Variants in GABPA observed in about 807,000 individuals in gnomAD.
GABPA encodes the protein GA-binding protein alpha chain.
In GABPA, 4 loss-of-function variants were observed where a neutral mutation model predicts 59.4. The ratio of observed to expected loss-of-function variants is 0.07; its 90% confidence interval spans 0.03 to 0.15. The LOEUF is 0.15. Among genes scored for constraint, GABPA ranks in the 10% least tolerant of loss-of-function variants. GABPA has a pLI of 1.00. For missense variants in GABPA, 251 were observed against 543.8 expected (o/e 0.46, Z 5.36); for synonymous variants, 164 against 183.1 (o/e 0.90, Z 0.84).
At chr21:25,743,903 G>T (rs951488293) in intron 2 of GABPA, among the ~76,000 whole-genome samples, 1 of 151,956 alleles carries the variant, frequency 6.6e-6, no homozygotes, top group Admixed American at 6.6e-5. Context: ...AATTAGCTAG[G>T]CATGGTGGCG....
chr21:25,766,160 G>C (rs2035884874), intron 9 of GABPA, among the ~76,000 whole-genome samples: 1 of 151,954 alleles, frequency 6.6e-6, no homozygotes, highest in African/African-American at 2.4e-5. Flanking sequence ...GCAGTGGGGA[G>C]AAAACATATG....
At chr21:25,741,696 C>T in intron 2 of GABPA, 21 bp downstream of exon 2, 1 of 1,526,830 alleles carries the variant, frequency 6.5e-7, no homozygotes, top group Non-Finnish European at 9.0e-7. Flanking sequence ...CTGAATTTAT[C>T]ATTTTTTTTC....
chr21:25,765,328 A>C (rs1297916571), intron 9 of GABPA, among the ~76,000 whole-genome samples: 2 of 152,080 alleles, frequency 1.3e-5, no homozygotes, highest in African/African-American at 4.8e-5. Context: ...TAAGAATATC[A>C]CGGAATTATG....
Position 25,769,605 on chromosome 21 carries a change from T to C in GABPA, c.*373T>C, listed in dbSNP as rs1026037310. ...TAGGAAACAGTCTGGCTTAACTATT[T>C]TTGAAAATATAACTGTTTCCCCTCT... On this transcript the variant is annotated 3_prime_UTR_variant, in exon 10 of 10. Transcript: ENST00000400075. 4.1e-4 allele frequency: 67 copies of C among 163,502 alleles called. No homozygotes were observed. The highest frequency in any genetic ancestry group is 3.1e-3 in the Middle Eastern group (1 of 324). 10.1% of individuals were successfully genotyped at this position (163,502 alleles called of 1,614,324 possible).
intron 1 of GABPA, among the ~76,000 whole-genome samples, chr21:25,738,627 A>T (rs1467221004): frequency 6.6e-6 from 1 of 152,228 alleles, no homozygotes; most frequent in African/African-American, 2.4e-5. Flanking sequence ...TTGTATGTTT[A>T]ATCCTTTAAG....
intron 3 of GABPA, among the ~76,000 whole-genome samples, chr21:25,748,149 A>T (rs1166667899): frequency 6.6e-6 from 1 of 152,104 alleles, no homozygotes; most frequent in African/African-American, 2.4e-5. Context: ...CAGGTGATCC[A>T]CCTGCCTTGG....
rs759031110 is a variant in GABPA, at chr21:25,764,183, A to C, written c.803-27A>C. On this transcript the variant is annotated intron_variant, in intron 7 of 9. Coordinates refer to ENST00000400075, the MANE Select transcript of GABPA (RefSeq NM_002040.4). ...TTTTCCTGCTTGTATTGGAAGAAAAAAAATTTCTCCTTGTCTGTCTTTGCA... is the reference window on the plus strand; with the variant it reads ...TTTTCCTGCTTGTATTGGAAGAAAACAAATTTCTCCTTGTCTGTCTTTGCA... 14 of 1,533,016 alleles carry C rather than the reference A, an allele frequency of 9.1e-6. No individual in the cohort carries two copies. The South Asian group carries it at 1.7e-4, about 18-fold the overall frequency. The allele number at this position is 1,533,016 out of a possible 1,614,324, so 95.0% of individuals were successfully genotyped here.
In GABPA at chr21:25,752,200, T is replaced by C; in HGVS notation, c.519T>C (p.Tyr173=). 6.2e-7 allele frequency: 1 copy of C among 1,613,126 alleles called. No individual in the cohort carries two copies. ...VTRWAAALEG[Y]RKEQERLGIP... ...GATGGGCTGCTGCACTGGAAGGCTA[T>C]AGGAAAGAACAAGAACGCCTTGGGA... The change falls in exon 5 of 10, where the codon TAT becomes TAC. Residue 173 remains tyrosine (Y), a synonymous_variant. Transcript: ENST00000400075.
intron 9 of GABPA, among the ~76,000 whole-genome samples, chr21:25,767,510 T>C (rs1388863082): frequency 6.6e-6 from 1 of 151,964 alleles, no homozygotes; most frequent in African/African-American, 2.4e-5. Context: ...AAGTATTCAG[T>C]AAAATTCAAA....
At position 25,771,792 on chromosome 21, in the gene GABPA, G is replaced by A. The variant is rs573836867; in HGVS notation, c.*2560G>A. ...TTTTGTTTTAAAATTTGTTTTCCATGTGAAGTTTTTATTGAGCCAACTTTC... is the reference window on the plus strand; with the variant it reads ...TTTTGTTTTAAAATTTGTTTTCCATATGAAGTTTTTATTGAGCCAACTTTC... On this transcript the variant is annotated 3_prime_UTR_variant, in exon 10 of 10. Coordinates refer to ENST00000400075, the MANE Select transcript of GABPA (RefSeq NM_002040.4). 6.6e-6 allele frequency: 1 copy of A among 152,146 alleles called. No homozygotes were observed. The highest frequency in any genetic ancestry group is 2.1e-4 in the South Asian group (1 of 4,828). 9.4% of individuals were successfully genotyped at this position (152,146 alleles called of 1,614,324 possible). A position where few individuals can be genotyped will look rare whatever the true frequency, so the allele number is the denominator to read the frequency against.
intron 4 of GABPA, among the ~76,000 whole-genome samples, chr21:25,750,830 T>G (rs2035491105): frequency 6.6e-6 from 1 of 152,186 alleles, no homozygotes; most frequent in African/African-American, 2.4e-5. Flanking sequence ...TTAAAGCCAT[T>G]AAAGTATGAA....
intron 3 of GABPA, among the ~76,000 whole-genome samples, chr21:25,746,196 G>T (rs1359575382): frequency 6.6e-6 from 1 of 151,992 alleles, no homozygotes; most frequent in Non-Finnish European, 1.5e-5. Flanking sequence ...CGTATTTTTA[G>T]TAGACACGGG....
In GABPA at chr21:25,749,127, T is replaced by G. The variant is rs1169184076; in HGVS notation, c.307+7T>G. On this transcript the variant is annotated splice_region_variant and intron_variant, in intron 4 of 9. Transcript: ENST00000400075. ...CAGGTAATTTCTTACCAAGGTAAGTTACTTTTCATGATAGTTATTTAAAAT... is the reference window on the plus strand; with the variant it reads ...CAGGTAATTTCTTACCAAGGTAAGTGACTTTTCATGATAGTTATTTAAAAT... 2.0e-6 allele frequency: 3 copies of G among 1,481,060 alleles called. No individual in the cohort carries two copies. The highest frequency in any genetic ancestry group is 1.4e-5 in the African/African-American group (1 of 71,540). 91.7% of individuals were successfully genotyped at this position (1,481,060 alleles called of 1,614,324 possible).
chr21:25,742,615 A>G (rs1486894348), intron 2 of GABPA, among the ~76,000 whole-genome samples: 1 of 152,172 alleles, frequency 6.6e-6, no homozygotes, highest in East Asian at 1.9e-4. Flanking sequence ...TTCAGAAACT[A>G]AAAATGCGTA....
At chr21:25,737,682 A>C (rs981592296) in intron 1 of GABPA, among the ~76,000 whole-genome samples, 9 of 152,166 alleles carry the variant, frequency 5.9e-5, no homozygotes, top group African/African-American at 1.7e-4. Context: ...GCTACATCAT[A>C]ATGCTTTTTT....
intron 4 of GABPA, among the ~76,000 whole-genome samples, chr21:25,750,789 C>A (rs545461554): frequency 6.6e-6 from 1 of 152,038 alleles, no homozygotes; most frequent in Non-Finnish European, 1.5e-5. Flanking sequence ...CTAGTGACCT[C>A]TTGATGCAAG....
chr21:25,754,501 A>C (rs2035586494), intron 5 of GABPA, among the ~76,000 whole-genome samples: 1 of 151,992 alleles, frequency 6.6e-6, no homozygotes, highest in Admixed American at 6.6e-5. Flanking sequence ...AATATAACCT[A>C]TCTGATTTTT....
chr21:25,762,547 A>G (rs993022631), intron 7 of GABPA, among the ~76,000 whole-genome samples, 182 bp downstream of exon 7: 1 of 152,252 alleles, frequency 6.6e-6, no homozygotes, highest in African/African-American at 2.4e-5. Context: ...TTTTTAAATG[A>G]TACGATTAAC....
At chr21:25,768,476 A>G (rs2035943848) in intron 9 of GABPA, among the ~76,000 whole-genome samples, 2 of 152,196 alleles carry the variant, frequency 1.3e-5, no homozygotes, top group South Asian at 4.1e-4. Context: ...AACATAGCTT[A>G]TATTTTGTAG....
Sources: gnomAD v4.1 joint callset for allele counts (sites outside exome capture counted in the v4.1 genomes callset) on GRCh38, gnomAD v4.1.1 for gene constraint, MANE v1.5 for transcripts, NCBI Gene and HGNC (gene_info 2026-07-23, HGNC 2026-07-21) for gene names.